OXNAD1: variants seen among roughly 807,000 people sequenced by gnomAD.
OXNAD1 encodes the protein oxidoreductase NAD-binding domain-containing protein 1.
In OXNAD1, 34 loss-of-function variants were observed where a neutral mutation model predicts 32.9. That is an observed-to-expected ratio of 1.03 (90% CI 0.79 to 1.38). The LOEUF is 1.38. Ranked by LOEUF, OXNAD1 falls within the 40% of genes most tolerant of loss-of-function variation. The pLI is 0.00. For missense variants in OXNAD1, 407 were observed against 379.4 expected (o/e 1.07, Z -0.60); for synonymous variants, 134 against 135.2 (o/e 0.99, Z 0.06).
At chr3:16,319,074 T>C (rs892625319) in intron 9 of OXNAD1, among the ~76,000 whole-genome samples, 1 of 152,226 alleles carries the variant, frequency 6.6e-6, no homozygotes, top group Non-Finnish European at 1.5e-5. Flanking sequence ...TCGTAACTGC[T>C]GCCCTGTGTT....
chr3:16,281,130 G>T (rs963391478), intron 4 of OXNAD1, among the ~76,000 whole-genome samples: 4 of 152,088 alleles, frequency 2.6e-5, no homozygotes, highest in Admixed American at 1.3e-4. Context: ...ATAAATATGT[G>T]GTCTTCAAAA....
chr3:16,286,407 G>C lies in OXNAD1; in HGVS notation c.249G>C (p.Leu83Phe). 2 of 1,613,962 alleles carry C rather than the reference G, an allele frequency of 1.2e-6. No homozygotes were observed. Among genetic ancestry groups the C allele is most frequent in the South Asian group, 1.1e-5 (1 of 91,086 alleles). ...CACCGTCAGTGAAGAGCCTCCGCTT[G>C]CTTGTTGCTGATCAAGACTTTTCCT... ...SESPSVKSLR[L>F]LVADQDFSFK... is the part of the protein sequence containing the mutation. Residue 83 changes from leucine (L) to phenylalanine (F), a missense_variant, in exon 5 of 9, where the codon TTG (leucine) becomes TTC (phenylalanine). Physicochemically the swap from Leu to Phe is conservative, Grantham distance 22 (BLOSUM62 0). Transcript: ENST00000285083.
Position 16,284,810 on chromosome 3 carries a change from A to G in OXNAD1, c.184-1532A>G, listed in dbSNP as rs1197746018. ...GCTGGTAAGCGGTAGAGCCAGGACT[A>G]AATACCAGGCAGTCCAGCTGCAGAG... On this transcript the variant is annotated intron_variant, in intron 4 of 8. Coordinates refer to ENST00000285083, the MANE Select transcript of OXNAD1 (RefSeq NM_138381.5). The surrounding 1 kb of genome is among the most constrained non-coding windows in gnomAD (Gnocchi z 4.1). 1.3e-5 allele frequency among the ~76,000 whole-genome samples: 2 copies of G among 152,270 alleles called. No individual in the cohort carries two copies. Among genetic ancestry groups the G allele is most frequent in the Non-Finnish European group, 2.9e-5 (2 of 68,050 alleles).
intron 9 of OXNAD1, among the ~76,000 whole-genome samples, chr3:16,315,358 A>G (rs1237824170): frequency 1.3e-5 from 2 of 152,114 alleles, no homozygotes; most frequent in African/African-American, 2.4e-5. Flanking sequence ...TCAGGTGATC[A>G]GCCTGCCTCA....
intron 6 of OXNAD1, among the ~76,000 whole-genome samples, chr3:16,296,775 G>A (rs140898493): frequency 0.015 from 2,282 of 152,024 alleles, 31 homozygotes; most frequent in Non-Finnish European, 0.025. Context: ...GCATCTAGAT[G>A]CAAAAAACAA....
chr3:16,274,938 A>G (rs987766986), intron 4 of OXNAD1: 4 of 152,274 alleles, frequency 2.6e-5, no homozygotes, highest in African/African-American at 9.6e-5. Flanking sequence ...ATAACATTAG[A>G]GCACTCTCAT....
In OXNAD1 at chr3:16,303,421, G is replaced by A. The variant is rs113931058; in HGVS notation, c.798G>A (p.Thr266=). 1,437 of 1,613,610 alleles carry A rather than the reference G, an allele frequency of 8.9e-4. 10 individuals are homozygous for A. In the African/African-American group the frequency reaches 0.016, roughly 18 times the overall value. Residue 266 remains threonine, a synonymous_variant, in exon 9 of 9, where the codon ACG becomes ACA. Transcript: ENST00000285083. The surrounding 1 kb of genome is among the most constrained non-coding windows in gnomAD (Gnocchi z 4.8). The stretch of plus-strand genomic sequence containing the variant: ...GGTTTTTGGTAGAAGGAAGAATAAC[G>A]GAGAAGGAGATAAGAGATCATATTT... ...LKPYITEGRI[T]EKEIRDHISK...
intron 9 of OXNAD1, among the ~76,000 whole-genome samples, chr3:16,330,426 A>C (rs1263474648): frequency 6.6e-6 from 1 of 152,246 alleles, no homozygotes; most frequent in Non-Finnish European, 1.5e-5. Context: ...TCCATTAGCT[A>C]AGAAAGGTGG....
chr3:16,268,371 C>A lies in OXNAD1; in HGVS notation c.-158-755C>A, dbSNP rs113605524. Among the ~76,000 whole-genome samples the A allele has an allele frequency of 4.1e-3, 515 of 124,758 alleles. 7 individuals are homozygous for A. The highest frequency in any genetic ancestry group is 0.014 in the African/African-American group (466 of 34,086). The allele number at this position is 124,758 out of a possible 152,430, so 81.8% of individuals were successfully genotyped here. A position where few individuals can be genotyped will look rare whatever the true frequency, so the allele number is the denominator to read the frequency against. The stretch of plus-strand genomic sequence containing the variant: ...TGAGACTGAGTTTCGCTCTTGTTGC[C>A]CAGGCTGGAGTGTAATGGCATGATC... On this transcript the variant is annotated intron_variant, in intron 1 of 8. Coordinates refer to ENST00000285083, the MANE Select transcript of OXNAD1 (RefSeq NM_138381.5).
intron 4 of OXNAD1, among the ~76,000 whole-genome samples, chr3:16,274,399 A>G (rs935559829): frequency 6.6e-6 from 1 of 152,182 alleles, no homozygotes; most frequent in African/African-American, 2.4e-5. Context: ...GCAGTTCCTT[A>G]GTTTGGTTCC....
In OXNAD1 at chr3:16,335,725, C is replaced by T. The variant is rs913373129; in HGVS notation, c.*31-1387C>T. Among the ~76,000 whole-genome samples the T allele has an allele frequency of 1.3e-5, 2 of 150,144 alleles. No homozygotes were observed. The highest frequency in any genetic ancestry group is 2.5e-5 in the African/African-American group (1 of 40,674). On this transcript the variant is annotated intron_variant, in intron 9 of 9. Transcript: ENST00000435829. The surrounding 1 kb of genome is among the most constrained non-coding windows in gnomAD (Gnocchi z 4.7). ...TCTGAGCAGCAACACACATGGCACA[C>T]GTTTACCTATGTAACAAGCCTGCAT... is the stretch of plus-strand genomic sequence containing the variant.
intron 9 of OXNAD1, chr3:16,347,843 T>A (rs1423497437): frequency 6.6e-6 from 1 of 152,244 alleles, no homozygotes; most frequent in Non-Finnish European, 1.5e-5. Context: ...TTACACATGC[T>A]CTTAGGTCAG....
chr3:16,278,612 A>C (rs2065519665), intron 4 of OXNAD1, among the ~76,000 whole-genome samples: 1 of 152,216 alleles, frequency 6.6e-6, no homozygotes, highest in Non-Finnish European at 1.5e-5. Flanking sequence ...AGTTTAAAGG[A>C]CTTGTTCAAG....
rs1398280379 is a variant in OXNAD1, at chr3:16,320,641, GT to G, written c.*31-16468del. On this transcript the variant is annotated intron_variant, in intron 9 of 9. Transcript: ENST00000435829. The surrounding 1 kb of genome is among the most constrained non-coding windows in gnomAD (Gnocchi z 4.5). ...TTCCAGGGTAGTACAAAGGAGTCTG[GT>G]TTGGTATAAAAGGAGACAGCACTGT... Among the ~76,000 whole-genome samples, 1 of 152,242 alleles carries G rather than the reference GT, an allele frequency of 6.6e-6. No homozygotes were observed. The highest frequency in any genetic ancestry group is 1.5e-5 in the Non-Finnish European group (1 of 68,044).
In OXNAD1 at chr3:16,277,447, C is replaced by T. The variant is rs189730471; in HGVS notation, c.183+5725C>T. Among the ~76,000 whole-genome samples, 1 of 152,196 alleles carries T rather than the reference C, an allele frequency of 6.6e-6. No homozygotes were observed. The highest frequency in any genetic ancestry group is 2.4e-5 in the African/African-American group (1 of 41,452). On this transcript the variant is annotated intron_variant, in intron 4 of 8. Transcript: ENST00000285083. This position sits in a 1 kb window ranked among gnomAD's most constrained non-coding sequence, Gnocchi z 4.3. ...CACCTCAGGTTTGGCCATAACAGAACTGGATCAGCTTCTTATAGTCTCGTC... is the reference window on the plus strand; with the variant it reads ...CACCTCAGGTTTGGCCATAACAGAATTGGATCAGCTTCTTATAGTCTCGTC...
downstream of OXNAD1, among the ~76,000 whole-genome samples, chr3:16,337,727 C>T (rs139210477): frequency 1.5e-3 from 203 of 137,058 alleles, 1 homozygote; most frequent in African/African-American, 5.7e-3. This position sits in a 1 kb window ranked among gnomAD's most constrained non-coding sequence, Gnocchi z 5.0. Flanking sequence ...GGCGACAGAG[C>T]GAGACTCCAT....
chr3:16,281,891 A>G (rs1437978148), intron 4 of OXNAD1, among the ~76,000 whole-genome samples: 1 of 130,586 alleles, frequency 7.7e-6, no homozygotes, highest in South Asian at 2.3e-4. Flanking sequence ...ATAAAATAAC[A>G]TTTCTTTTTT....
intron 5 of OXNAD1, among the ~76,000 whole-genome samples, chr3:16,292,553 T>G (rs933498990): frequency 1.3e-5 from 2 of 151,922 alleles, no homozygotes; most frequent in African/African-American, 4.8e-5. Context: ...ATGAAATCTG[T>G]TTCTCTATTT....
In OXNAD1 at chr3:16,334,107, G is replaced by A. The variant is rs940651489; in HGVS notation, c.*31-3005G>A. On this transcript the variant is annotated intron_variant, in intron 9 of 9. Coordinates refer to the OXNAD1 transcript ENST00000435829. This position sits in a 1 kb window ranked among gnomAD's most constrained non-coding sequence, Gnocchi z 4.3. Reference sequence around the variant, plus strand: ...TTGAACCTAGGAGGCAGAAGCTGCAGTGAGCCGAGATCGTGCCACTGCACT... The same window carrying A: ...TTGAACCTAGGAGGCAGAAGCTGCAATGAGCCGAGATCGTGCCACTGCACT... Among the ~76,000 whole-genome samples, 1 of 152,220 alleles carries A rather than the reference G, an allele frequency of 6.6e-6. No individual in the cohort carries two copies. The highest frequency in any genetic ancestry group is 2.4e-5 in the African/African-American group (1 of 41,456).
Sources: gnomAD v4.1 joint callset for allele counts (sites outside exome capture counted in the v4.1 genomes callset) on GRCh38, gnomAD v4.1.1 for gene constraint, Gnocchi (gnomAD v3.1) non-coding constraint, MANE v1.5 for transcripts, NCBI Gene and HGNC (gene_info 2026-07-23, HGNC 2026-07-21) for gene names.